Variants in BBIP1 observed in about 807,000 individuals in gnomAD.
The protein encoded by BBIP1 is BBSome interacting protein 1.
Under a neutral mutation model 8.9 loss-of-function variants are expected in BBIP1, and 6 were observed. The observed-to-expected ratio is 0.67, with a 90% confidence interval of 0.37 to 1.33. The LOEUF (loss-of-function observed/expected upper bound fraction) is 1.33. BBIP1 is among the 40% of genes most tolerant of loss of function. The pLI is 0.02. For missense variants in BBIP1, 111 were observed against 109.2 expected (o/e 1.02, Z -0.07); for synonymous variants, 32 against 33.4 (o/e 0.96, Z 0.14).
At chr10:110,907,449 G>A in intron 2 of BBIP1, 1 of 322,598 alleles carries the variant, frequency 3.1e-6, no homozygotes, top group Non-Finnish European at 5.6e-6. Context: ...TGAGTTTTAG[G>A]TTGCAGTGAG....
chr10:110,913,685 G>A (rs867139317), intron 2 of BBIP1, among the ~76,000 whole-genome samples: 1 of 152,204 alleles, frequency 6.6e-6, no homozygotes, highest in Non-Finnish European at 1.5e-5. Context: ...TTGAATTTTT[G>A]ATGGAGATGA....
intron 2 of BBIP1, among the ~76,000 whole-genome samples, chr10:110,909,728 C>G (rs1224431099): frequency 1.3e-5 from 2 of 152,130 alleles, no homozygotes; most frequent in Non-Finnish European, 2.9e-5. Context: ...ACCTTGTATT[C>G]TATTTGGAAA....
Position 110,900,295 on chromosome 10 carries a change from A to C in BBIP1, c.*65T>G. Reference sequence around the variant, plus strand: ...CATACTACTTTCAGCACACAGAAGCATATTTTCTAGTTATTGTTAAATAGT... The same window carrying C: ...CATACTACTTTCAGCACACAGAAGCCTATTTTCTAGTTATTGTTAAATAGT... On this transcript the variant is annotated 3_prime_UTR_variant, in exon 4 of 4. Coordinates refer to ENST00000448814, the MANE Select transcript of BBIP1 (RefSeq NM_001195305.3). The C allele has an allele frequency of 7.2e-7, 1 of 1,395,968 alleles. No homozygotes were observed. The highest frequency in any genetic ancestry group is 9.5e-7 in the Non-Finnish European group (1 of 1,048,404). 86.5% of individuals were successfully genotyped at this position (1,395,968 alleles called of 1,614,324 possible). A position where few individuals can be genotyped will look rare whatever the true frequency, so the allele number is the denominator to read the frequency against.
At chr10:110,915,168 T>C (rs935338849) in intron 2 of BBIP1, among the ~76,000 whole-genome samples, 3 of 152,078 alleles carry the variant, frequency 2.0e-5, no homozygotes, top group African/African-American at 7.2e-5. Context: ...TCTTTTTTTG[T>C]TTTTTTAAGA....
At chr10:110,908,318 T>C (rs559404945) in intron 2 of BBIP1, 2 of 152,382 alleles carry the variant, frequency 1.3e-5, no homozygotes, top group East Asian at 1.9e-4. Flanking sequence ...CTTTTTCTCC[T>C]ATCACAAGGA....
intron 2 of BBIP1, among the ~76,000 whole-genome samples, chr10:110,917,345 A>G (rs1383163752): frequency 6.6e-6 from 1 of 152,136 alleles, no homozygotes; most frequent in Non-Finnish European, 1.5e-5. Flanking sequence ...GGAGAACTTC[A>G]AAATTCTTAG....
At chr10:110,910,916 T>C (rs963111129) in intron 2 of BBIP1, 6 of 152,330 alleles carry the variant, frequency 3.9e-5, no homozygotes, top group African/African-American at 7.2e-5. Flanking sequence ...AAGAAAGATA[T>C]GGCAAAATGG....
At chr10:110,901,833 G>T in intron 2 of BBIP1, 1 of 494,042 alleles carries the variant, frequency 2.0e-6, no homozygotes, top group South Asian at 2.5e-5. Context: ...TAACTACAAG[G>T]CTAGGTGTTG....
chr10:110,918,642 T>G (rs1440635509), intron 1 of BBIP1, among the ~76,000 whole-genome samples: 1 of 152,338 alleles, frequency 6.6e-6, no homozygotes, highest in East Asian at 1.9e-4. Flanking sequence ...CCGGCCGGGC[T>G]GCCTCTGGCT....
intron 2 of BBIP1, chr10:110,902,921 CT>C (rs35218142): frequency 0.11 from 15,447 of 145,494 alleles, 839 homozygotes; most frequent in Middle Eastern, 0.16. Flanking sequence ...TGATCACTGC[CT>C]TTTTTTTTTT....
rs912754275 is a variant in BBIP1, at chr10:110,900,523, G to A, written c.116C>T (p.Pro39Leu). The A allele has an allele frequency of 4.6e-5, 69 of 1,514,956 alleles. No homozygotes were observed. The Admixed American group carries it at 9.0e-4, about 20-fold the overall frequency. 93.8% of individuals were successfully genotyped at this position (1,514,956 alleles called of 1,614,324 possible). Residue 39 changes from proline to leucine, a missense_variant, in exon 4 of 4, where the codon CCA becomes CTA. Physicochemically the swap from Pro to Leu is moderately conservative, Grantham distance 98. Transcript: ENST00000448814. ...MFREVLPKQGPLFVEDIMTMV... is the reference protein window; with the variant it reads ...MFREVLPKQGLLFVEDIMTMV... ...TGTCATTATATCTTCCACAAACAGT[G>A]GCCCTAAGTTTAACAAGAAATAAGA...
At chr10:110,917,504 A>T (rs1258877590) in intron 2 of BBIP1, among the ~76,000 whole-genome samples, 3 of 152,206 alleles carry the variant, frequency 2.0e-5, no homozygotes, top group African/African-American at 7.2e-5. Flanking sequence ...TATTCATTAA[A>T]TTATTTCTTT....
intron 2 of BBIP1, among the ~76,000 whole-genome samples, chr10:110,909,476 G>A (rs980948053): frequency 1.3e-5 from 2 of 152,226 alleles, no homozygotes; most frequent in Non-Finnish European, 2.9e-5. Flanking sequence ...TTACAGGCAT[G>A]AGCCACCGTG....
chr10:110,916,416 C>G (rs892252439), intron 2 of BBIP1, among the ~76,000 whole-genome samples: 16 of 152,190 alleles, frequency 1.1e-4, no homozygotes, highest in African/African-American at 3.6e-4. Flanking sequence ...AAACACTTCT[C>G]TATCCATTGG....
Position 110,900,194 on chromosome 10 carries a change from T to A in BBIP1, c.*166A>T. 1 of 703,582 alleles carries A rather than the reference T, an allele frequency of 1.4e-6. No homozygotes were observed. The highest frequency in any genetic ancestry group is 1.8e-5 in the African/African-American group (1 of 54,770). 43.6% of individuals were successfully genotyped at this position (703,582 alleles called of 1,614,324 possible). On this transcript the variant is annotated 3_prime_UTR_variant, in exon 4 of 4. Coordinates refer to ENST00000448814, the MANE Select transcript of BBIP1 (RefSeq NM_001195305.3). ...TATGTTCAATACAAACCAGAGTGTT[T>A]ACATTCACAATACAAATTTCATCAA...
intron 2 of BBIP1, chr10:110,903,132 G>C (rs1198147768): frequency 6.6e-6 from 1 of 152,156 alleles, no homozygotes; most frequent in Non-Finnish European, 1.5e-5. Flanking sequence ...TAAATGTGAA[G>C]GAAATACATA....
intron 2 of BBIP1, 142 bp downstream of exon 2, chr10:110,917,979 G>C: frequency 1.4e-6 from 1 of 712,530 alleles, no homozygotes. Flanking sequence ...TGCTACAACA[G>C]ATTTCAGTAA....
intron 2 of BBIP1, among the ~76,000 whole-genome samples, chr10:110,908,757 G>A (rs1339335516): frequency 1.4e-5 from 2 of 147,328 alleles, no homozygotes; most frequent in Admixed American, 1.4e-4. Flanking sequence ...GCAACACAAA[G>A]CACATGGTGC....
Position 110,907,774 on chromosome 10 carries a change from T to C in BBIP1, c.38-6162A>G, listed in dbSNP as rs1846182343. 3 of 702,408 alleles carry C rather than the reference T, an allele frequency of 4.3e-6. No individual in the cohort carries two copies. Among genetic ancestry groups the C allele is most frequent in the Admixed American group, 2.0e-5 (1 of 49,904 alleles). The allele number at this position is 702,408 out of a possible 1,614,324, so 43.5% of individuals were successfully genotyped here. A position where few individuals can be genotyped will look rare whatever the true frequency, so the allele number is the denominator to read the frequency against. ...GATGGTGATTGATACAATAACCACG[T>C]TGTTCTTTGAGATGTTAATGGACTT... is the stretch of plus-strand genomic sequence containing the variant. On this transcript the variant is annotated intron_variant, in intron 2 of 3. Transcript: ENST00000448814.
Sources: gnomAD v4.1 joint callset for allele counts (sites outside exome capture counted in the v4.1 genomes callset) on GRCh38, gnomAD v4.1.1 for gene constraint, MANE v1.5 for transcripts, NCBI Gene and HGNC (gene_info 2026-07-23, HGNC 2026-07-21) for gene names.